C20orf96: variants seen among roughly 807,000 people sequenced by gnomAD.
The protein encoded by C20orf96 is chromosome 20 open reading frame 96.
In C20orf96, 57 loss-of-function variants were observed where a neutral mutation model predicts 52.6. That is an observed-to-expected ratio of 1.08 (90% CI 0.88 to 1.35). The LOEUF is 1.35. Ranked by LOEUF, C20orf96 falls within the 40% of genes most tolerant of loss-of-function variation. The pLI is 0.00. For missense variants in C20orf96, 478 were observed against 443.6 expected, an observed-to-expected ratio of 1.08 and a Z score of -0.70; for synonymous variants, 168 against 157.2, an observed-to-expected ratio of 1.07 and a Z score of -0.51.
intron 3 of C20orf96, among the ~76,000 whole-genome samples, chr20:285,699 A>G (rs541853433): frequency 1.3e-5 from 2 of 152,258 alleles, no homozygotes; most frequent in Non-Finnish European, 2.9e-5. Context: ...CTCCTGCCTC[A>G]GCCTCCTGAA....
chr20:284,557 T>C (rs2012333850), intron 3 of C20orf96, among the ~76,000 whole-genome samples: 1 of 152,174 alleles, frequency 6.6e-6, no homozygotes, highest in South Asian at 2.1e-4. Flanking sequence ...ACAGTCCAAG[T>C]TTAAATCCAG....
chr20:271,555 G>C (rs1444450411), intron 10 of C20orf96, among the ~76,000 whole-genome samples: 1 of 152,152 alleles, frequency 6.6e-6, no homozygotes, highest in Non-Finnish European at 1.5e-5. Flanking sequence ...GAGGTCAAGA[G>C]GGAGCAGGAA....
In C20orf96 at chr20:279,258, G is replaced by C. The variant is rs767548353; in HGVS notation, c.379C>G (p.Arg127Gly). The C allele has an allele frequency of 6.2e-7, 1 of 1,611,124 alleles. No individual in the cohort carries two copies. The highest frequency in any genetic ancestry group is 8.5e-7 in the Non-Finnish European group (1 of 1,179,244). The change falls in exon 5 of 11, where the codon CGG becomes GGG. Residue 127 changes from arginine (R) to glycine (G), a missense_variant. Physicochemically the swap from Arg to Gly is moderately radical, Grantham distance 125. Coordinates refer to ENST00000360321, the MANE Select transcript of C20orf96 (RefSeq NM_153269.3). ...SRENFLSKLN[R>G]ELIETIQEME... The stretch of plus-strand genomic sequence containing the variant: ...TCCTGGATGGTCTCGATCAGCTCCC[G>C]GTTGAGCTTGCTGAGGAAGTTCTCA...
At chr20:273,903 AAGGGAGGG>A (rs1171376663) in intron 10 of C20orf96, among the ~76,000 whole-genome samples, 446 of 43,948 alleles carry the variant, frequency 0.01, 5 homozygotes, top group East Asian at 0.028. Flanking sequence ...GAAAGGAAGG[AAGGGAGGG>A]AGGGAGGGAG....
intron 4 of C20orf96, among the ~76,000 whole-genome samples, chr20:279,623 GTAAA>G (rs1334726839): frequency 3.3e-5 from 5 of 152,156 alleles, no homozygotes; most frequent in South Asian, 2.1e-4. Context: ...TTATTAGTGG[GTAAA>G]TAAAGATGTG....
intron 3 of C20orf96, among the ~76,000 whole-genome samples, chr20:289,021 T>A (rs1318951222): frequency 6.6e-6 from 1 of 152,170 alleles, no homozygotes; most frequent in Non-Finnish European, 1.5e-5. Flanking sequence ...CTGTAAAGCA[T>A]GATAATGATG....
rs1225956193 is a variant in C20orf96, at chr20:270,979, G to C, written c.*228C>G. 1 of 515,026 alleles carries C rather than the reference G, an allele frequency of 1.9e-6. No individual in the cohort carries two copies. Among genetic ancestry groups the C allele is most frequent in the East Asian group, 3.6e-5 (1 of 28,116 alleles). The allele number at this position is 515,026 out of a possible 1,614,324, so 31.9% of individuals were successfully genotyped here. On this transcript the variant is annotated 3_prime_UTR_variant, in exon 11 of 11. Transcript: ENST00000360321. ...GGAAGAAGAGAGGAAAAAACCACAG[G>C]AAGAAAGAAAGGAGGGAGGGAGGGA...
chr20:287,192 G>A (rs919830729), intron 3 of C20orf96, among the ~76,000 whole-genome samples: 1 of 152,332 alleles, frequency 6.6e-6, no homozygotes, highest in African/African-American at 2.4e-5. Context: ...GAGTAAAACT[G>A]CTGGGTCGGA....
At chr20:283,901 G>A (rs544499037) in intron 4 of C20orf96, 62 bp downstream of exon 4, 2 of 1,178,734 alleles carry the variant, frequency 1.7e-6, no homozygotes, top group African/African-American at 1.5e-5. Flanking sequence ...GCACATGTTT[G>A]CTACAGCCAT....
chr20:279,480 C>G (rs1412382268), intron 4 of C20orf96, 150 bp from the exon 5 acceptor site: 1 of 838,962 alleles, frequency 1.2e-6, no homozygotes, highest in African/African-American at 1.9e-5. Context: ...GGGCGGTTCC[C>G]CATTGTCTGC....
chr20:276,721 A>T, intron 9 of C20orf96, 72 bp downstream of exon 9: 1 of 1,569,162 alleles, frequency 6.4e-7, no homozygotes, highest in South Asian at 1.1e-5. Context: ...AGCCTGACTC[A>T]TTCCCACAGG....
chr20:289,808 C>A (rs1600192904), intron 2 of C20orf96, 132 bp from the exon 3 acceptor site: 1 of 683,464 alleles, frequency 1.5e-6, no homozygotes, highest in Non-Finnish European at 2.6e-6. Context: ...TAAAGTGGAT[C>A]TAATAATAAA....
At chr20:288,417 A>G (rs2012452917) in intron 3 of C20orf96, among the ~76,000 whole-genome samples, 1 of 151,988 alleles carries the variant, frequency 6.6e-6, no homozygotes, top group Non-Finnish European at 1.5e-5. Context: ...GGCAGGGATG[A>G]GTGGGGAGGT....
chr20:279,137 A>AGGGACGGAGGGCGGGC, intron 5 of C20orf96, 35 bp downstream of exon 5: 1 of 1,106,560 alleles, frequency 9.0e-7, no homozygotes, highest in Non-Finnish European at 1.2e-6. Flanking sequence ...GTTGGGACGG[A>AGGGACGGAGGGCGGGC]GGGACGGAGG....
chr20:280,605 A>G (rs2012229058), intron 4 of C20orf96, among the ~76,000 whole-genome samples: 1 of 152,254 alleles, frequency 6.6e-6, no homozygotes, highest in Admixed American at 6.5e-5. Flanking sequence ...CTGGAAAGCC[A>G]GACTTCTGAA....
intron 9 of C20orf96, 140 bp from the exon 10 acceptor site, chr20:276,226 G>A (rs2012019267): frequency 1.9e-5 from 28 of 1,506,498 alleles, no homozygotes; most frequent in Non-Finnish European, 2.1e-5. Flanking sequence ...GGACTCCAGG[G>A]AGGGGACTTC....
intron 6 of C20orf96, 100 bp downstream of exon 6, chr20:278,230 G>C: frequency 1.1e-6 from 1 of 871,456 alleles, no homozygotes; most frequent in South Asian, 1.3e-5. Flanking sequence ...AGCCAATGGG[G>C]CTGAGGGTTT....
At chr20:290,499 C>G (rs2012514822) in intron 1 of C20orf96, 92 bp downstream of exon 1, 2 of 1,569,996 alleles carry the variant, frequency 1.3e-6, no homozygotes, top group African/African-American at 2.8e-5. Context: ...CGAGGGCGAC[C>G]TCGAGGCGAG....
chr20:279,183 C>CCTG lies in C20orf96; in HGVS notation c.451_453dup (p.Gln151dup), dbSNP rs770827987. The stretch of plus-strand genomic sequence containing the variant: ...GCCGCGGGTCTCACCGCCAGGGTGT[C>CCTG]CTGCTGCTGCAGCAGGGCCCGCACG... On this transcript the variant is annotated inframe_insertion, in exon 5 of 11. Coordinates refer to ENST00000360321, the MANE Select transcript of C20orf96 (RefSeq NM_153269.3). 8 of 1,597,094 alleles carry CCTG rather than the reference C, an allele frequency of 5.0e-6. No individual in the cohort carries two copies. In the African/African-American group the frequency reaches 8.2e-5, roughly 16 times the overall value.
Sources: gnomAD v4.1 joint callset for allele counts (sites outside exome capture counted in the v4.1 genomes callset) on GRCh38, gnomAD v4.1.1 for gene constraint, MANE v1.5 for transcripts, NCBI Gene and HGNC (gene_info 2026-07-23, HGNC 2026-07-21) for gene names.